LDLRAD2: variants seen among roughly 807,000 people sequenced by gnomAD.
LDLRAD2 encodes the protein low density lipoprotein receptor class A domain containing 2, also known as low-density lipoprotein receptor class A domain-containing protein 2.
Under a neutral mutation model 24.9 loss-of-function variants are expected in LDLRAD2, and 25 were observed. The observed-to-expected ratio is 1.00, with a 90% CI of 0.73 to 1.40. The LOEUF (loss-of-function observed/expected upper bound fraction) is 1.40. Ranked by LOEUF, LDLRAD2 falls within the 40% of genes most tolerant of loss-of-function variation. The pLI, the probability that LDLRAD2 is intolerant of heterozygous loss-of-function variation, is 0.00. For missense variants in LDLRAD2, 391 were observed against 366.2 expected, an observed-to-expected ratio of 1.07 and a Z score of -0.55; for synonymous variants, 182 against 166.7, an observed-to-expected ratio of 1.09 and a Z score of -0.71.
At position 21,823,535 on chromosome 1, in the gene LDLRAD2, G is replaced by C; in HGVS notation, c.*1320G>C. Reference sequence around the variant, plus strand: ...GGGCCTGTGGGCTCCAGCAGCCCAGGAGGCGAGGAAGGCTGGGCGAGCTCT... The same window carrying C: ...GGGCCTGTGGGCTCCAGCAGCCCAGCAGGCGAGGAAGGCTGGGCGAGCTCT... On this transcript the variant is annotated 3_prime_UTR_variant, in exon 5 of 5. Coordinates refer to ENST00000344642, the MANE Select transcript of LDLRAD2 (RefSeq NM_001013693.3). 1 of 1,608,978 alleles carries C rather than the reference G, an allele frequency of 6.2e-7. No homozygotes were observed. Among genetic ancestry groups the C allele is most frequent in the East Asian group, 2.2e-5 (1 of 44,848 alleles).
chr1:21,822,017 G>T, intron 4 of LDLRAD2, 185 bp from the exon 5 acceptor site: 1 of 1,436,342 alleles, frequency 7.0e-7, no homozygotes, highest in Non-Finnish European at 9.1e-7. Context: ...AGACTCTTTG[G>T]GTTCTAACCC....
intron 4 of LDLRAD2, 42 bp downstream of exon 4, chr1:21,821,653 T>G (rs1316781791): frequency 6.2e-7 from 1 of 1,606,328 alleles, no homozygotes; most frequent in East Asian, 2.2e-5. Flanking sequence ...ATCATACCTG[T>G]CCCTCTCTAG....
chr1:21,815,839 C>T, intron 2 of LDLRAD2, 104 bp from the exon 3 acceptor site: 1 of 1,393,898 alleles, frequency 7.2e-7, no homozygotes, highest in Non-Finnish European at 9.8e-7. Flanking sequence ...GAGGGCAGCT[C>T]TCTCCTGCCC....
intron 3 of LDLRAD2, among the ~76,000 whole-genome samples, chr1:21,816,529 G>C (rs143756480): frequency 1.3e-5 from 2 of 152,170 alleles, no homozygotes; most frequent in Admixed American, 1.3e-4. Flanking sequence ...TAAAGCCAGT[G>C]AGTAAAATGA....
rs778319649 is a variant in LDLRAD2 at position 21,824,359 on chromosome 1, G to A, written c.*2144G>A. ...CGAGGCTGATGAAGTCCTTGCCTTG[G>A]CCGGCCTCTCCCACCTCCTGCCAGG... On this transcript the variant is annotated 3_prime_UTR_variant, in exon 5 of 5. Transcript: ENST00000344642. The surrounding 1 kb of genome is among the most constrained non-coding windows in gnomAD (Gnocchi z 5.9). 2.5e-6 allele frequency: 4 copies of A among 1,613,826 alleles called. No individual in the cohort carries two copies. Among genetic ancestry groups the A allele is most frequent in the Non-Finnish European group, 3.4e-6 (4 of 1,180,010 alleles).
chr1:21,819,399 T>G (rs2097947745), intron 3 of LDLRAD2, among the ~76,000 whole-genome samples: 1 of 151,984 alleles, frequency 6.6e-6, no homozygotes, highest in Non-Finnish European at 1.5e-5. Context: ...TAGTAACTTA[T>G]TATTATATTC....
intron 3 of LDLRAD2, among the ~76,000 whole-genome samples, chr1:21,820,254 C>T (rs1025917037): frequency 2.6e-5 from 4 of 152,136 alleles, no homozygotes; most frequent in African/African-American, 7.2e-5. Context: ...AGCGGCAGCC[C>T]GCTGGGCGCG....
intron 3 of LDLRAD2, among the ~76,000 whole-genome samples, chr1:21,820,262 G>A (rs191195895): frequency 4.1e-3 from 622 of 151,094 alleles, no homozygotes; most frequent in Non-Finnish European, 6.5e-3. Flanking sequence ...CCCGCTGGGC[G>A]CGGTGGCTCA....
At chr1:21,819,474 T>C (rs938774109) in intron 3 of LDLRAD2, among the ~76,000 whole-genome samples, 2 of 150,006 alleles carry the variant, frequency 1.3e-5, no homozygotes, top group Non-Finnish European at 2.9e-5. Context: ...ACCTCTTTTC[T>C]TTATAAATTA....
rs3736356 is a variant in LDLRAD2, at chr1:21,823,972, C to T, written c.*1757C>T. On this transcript the variant is annotated 3_prime_UTR_variant, in exon 5 of 5. Transcript: ENST00000344642. ...CGGAGTTCAGTCCGAGATGGAAGCC[C>T]GAGCCCTGGCTGGTGGGTTCTCCCC... 5,756 of 869,822 alleles carry T rather than the reference C, an allele frequency of 6.6e-3. 240 individuals are homozygous for T. In the Admixed American group the frequency reaches 0.079, roughly 12 times the overall value. The allele number at this position is 869,822 out of a possible 1,614,324, so 53.9% of individuals were successfully genotyped here. A position where few individuals can be genotyped will look rare whatever the true frequency, so the allele number is the denominator to read the frequency against.
Position 21,814,483 on chromosome 1 carries a change from C to G in LDLRAD2, c.171C>G (p.Phe57Leu), listed in dbSNP as rs2097941695. ...ACGCCGCATCGCGCAGGTTCTACTT[C>G]GTGGCTCCGGACACCGACTGCGGGC... ...RSHAASRRFYFVAPDTDCGLW... is the reference protein window; with the variant it reads ...RSHAASRRFYLVAPDTDCGLW... The change falls in exon 2 of 5, where the codon TTC becomes TTG. Residue 57 changes from phenylalanine to leucine, a missense_variant. Transcript: ENST00000344642. 1.2e-6 allele frequency: 2 copies of G among 1,612,388 alleles called. No individual in the cohort carries two copies. Among genetic ancestry groups the G allele is most frequent in the African/African-American group, 1.3e-5 (1 of 74,904 alleles).
At position 21,812,496 on chromosome 1, in the gene LDLRAD2, G is replaced by C. The variant is rs1213533236; in HGVS notation, c.45G>C (p.Leu15Phe). ...TGCAGTTGCCCCAAAGGTTGCTCTT[G>C]CTGGGGGCAGCCGCCCTGACTGCAA... ...CLLQLPQRLL[L>F]LGAAALTATA... The change falls in exon 1 of 5, where the codon TTG becomes TTC. Residue 15 changes from leucine to phenylalanine, a missense_variant. Coordinates refer to ENST00000344642, the MANE Select transcript of LDLRAD2 (RefSeq NM_001013693.3). 1.2e-6 allele frequency: 2 copies of C among 1,614,186 alleles called. No individual in the cohort carries two copies. The highest frequency in any genetic ancestry group is 1.7e-6 in the Non-Finnish European group (2 of 1,180,026).
rs777334981 is a variant in LDLRAD2 at position 21,812,464 on chromosome 1, T to G, written c.13T>G (p.Cys5Gly). 1.2e-6 allele frequency: 2 copies of G among 1,614,150 alleles called. No individual in the cohort carries two copies. The highest frequency in any genetic ancestry group is 1.7e-6 in the Non-Finnish European group (2 of 1,179,972). The stretch of plus-strand genomic sequence containing the variant: ...CAGCAGAGCCTGGATGGAGGCTTGT[T>G]GTCTTCTGCAGTTGCCCCAAAGGTT... MEAC[C>G]LLQLPQRLLL... The change falls in exon 1 of 5, where the codon TGT becomes GGT. Residue 5 changes from cysteine (C) to glycine (G), a missense_variant. By Grantham distance (159) the Cys-to-Gly change is radical. Transcript: ENST00000344642.
intron 1 of LDLRAD2, among the ~76,000 whole-genome samples, chr1:21,813,301 T>TAA (rs368808667): frequency 7.0e-6 from 1 of 142,844 alleles, no homozygotes; most frequent in Non-Finnish European, 1.5e-5. Context: ...CTCAAAGAAA[T>TAA]AAAAAAAAAA....
At position 21,823,777 on chromosome 1, in the gene LDLRAD2, A is replaced by C. The variant is rs1365712831; in HGVS notation, c.*1562A>C. The C allele has an allele frequency of 7.5e-7, 1 of 1,325,542 alleles. No homozygotes were observed. The highest frequency in any genetic ancestry group is 2.3e-5 in the East Asian group (1 of 43,484). The allele number at this position is 1,325,542 out of a possible 1,614,324, so 82.1% of individuals were successfully genotyped here. A position where few individuals can be genotyped will look rare whatever the true frequency, so the allele number is the denominator to read the frequency against. Reference sequence around the variant, plus strand: ...AAACTTCCTGGTCCTCCCCGGCCCCACGACAGAGTCCCCTCCCTCTGATAT... The same window carrying C: ...AAACTTCCTGGTCCTCCCCGGCCCCCCGACAGAGTCCCCTCCCTCTGATAT... On this transcript the variant is annotated 3_prime_UTR_variant, in exon 5 of 5. Coordinates refer to ENST00000344642, the MANE Select transcript of LDLRAD2 (RefSeq NM_001013693.3).
Position 21,820,943 on chromosome 1 carries a change from A to G in LDLRAD2, c.644-507A>G, listed in dbSNP as rs555539279. ...CCGGGCATGGTGGCTCACGCCTGGA[A>G]TCCCAGCATTTTGGGAGGCTGAGGC... On this transcript the variant is annotated intron_variant, in intron 3 of 4. Coordinates refer to ENST00000344642, the MANE Select transcript of LDLRAD2 (RefSeq NM_001013693.3). 1.7e-3 allele frequency among the ~76,000 whole-genome samples: 254 copies of G among 152,274 alleles called. 2 individuals are homozygous for G. Among genetic ancestry groups the G allele is most frequent in the Non-Finnish European group, 4.7e-4 (32 of 68,020 alleles).
rs1288240621 is a variant in LDLRAD2 at position 21,822,547 on chromosome 1, G to GA, written c.*333dup. On this transcript the variant is annotated 3_prime_UTR_variant, in exon 5 of 5. Coordinates refer to ENST00000344642, the MANE Select transcript of LDLRAD2 (RefSeq NM_001013693.3). ...GGGCCTTCACTTCCAGATGGGTGGG[G>GA]ATGTGGCCTGGGGTGGGCGGGGCCC... is the stretch of plus-strand genomic sequence containing the variant. 4 of 286,130 alleles carry GA rather than the reference G, an allele frequency of 1.4e-5. No individual in the cohort carries two copies. Among genetic ancestry groups the GA allele is most frequent in the East Asian group, 9.4e-5 (1 of 10,688 alleles). The allele number at this position is 286,130 out of a possible 1,614,324, so 17.7% of individuals were successfully genotyped here. A position where few individuals can be genotyped will look rare whatever the true frequency, so the allele number is the denominator to read the frequency against.
At chr1:21,813,302 A>AT (rs1572106771) in intron 1 of LDLRAD2, among the ~76,000 whole-genome samples, 2 of 109,428 alleles carry the variant, frequency 1.8e-5, no homozygotes, top group Admixed American at 1.8e-4. Context: ...TCAAAGAAAT[A>AT]AAAAAAAAAA....
At chr1:21,820,501 C>A (rs1463897003) in intron 3 of LDLRAD2, among the ~76,000 whole-genome samples, 2 of 126,488 alleles carry the variant, frequency 1.6e-5, no homozygotes, top group Admixed American at 2.0e-4. Flanking sequence ...CCAGCCTGGG[C>A]GACAGAGCGA....
Sources: allele counts gnomAD v4.1 joint callset (sites outside exome capture counted in the v4.1 genomes callset), GRCh38; gene constraint gnomAD v4.1.1; non-coding constraint Gnocchi (gnomAD v3.1); transcripts MANE v1.5; gene names NCBI Gene and HGNC (gene_info 2026-07-23, HGNC 2026-07-21).